MACROD2: variants seen among roughly 807,000 people sequenced by gnomAD.
MACROD2 encodes mono-ADP ribosylhydrolase 2.
In MACROD2, 36 loss-of-function variants were observed where a neutral mutation model predicts 70.4. The observed-to-expected ratio is 0.51, with a 90% CI of 0.39 to 0.68. The LOEUF is 0.68. MACROD2 is among the 30% of genes least tolerant of loss of function. MACROD2 has a pLI of 0.00. For missense variants in MACROD2, 496 were observed against 538.4 expected (o/e 0.92, Z 0.78); for synonymous variants, 172 against 178.8 (o/e 0.96, Z 0.30).
chr20:14,604,319 A>G (rs1982668532), intron 4 of MACROD2, among the ~76,000 whole-genome samples: 1 of 152,206 alleles, frequency 6.6e-6, no homozygotes. Flanking sequence ...ACTGTCACAC[A>G]GTGTTGCTAT....
intron 5 of MACROD2, among the ~76,000 whole-genome samples, chr20:15,100,079 G>A (rs374614571): frequency 1.5e-3 from 223 of 152,098 alleles, no homozygotes; most frequent in South Asian, 7.1e-3. Flanking sequence ...ATGACATTTG[G>A]ATATTTATTT....
At chr20:15,706,697 G>A (rs1600786567) in intron 8 of MACROD2, among the ~76,000 whole-genome samples, 1 of 152,162 alleles carries the variant, frequency 6.6e-6, no homozygotes, top group East Asian at 1.9e-4. Context: ...ACATAAAATA[G>A]CACACTAATA....
chr20:15,982,061 G>A (rs910585818), intron 13 of MACROD2, among the ~76,000 whole-genome samples: 5 of 151,814 alleles, frequency 3.3e-5, no homozygotes, highest in East Asian at 3.9e-4. Context: ...CAGCACAAGC[G>A]TCAAATTTTA....
At chr20:14,664,255 T>G (rs2070711964) in intron 4 of MACROD2, among the ~76,000 whole-genome samples, 1 of 152,080 alleles carries the variant, frequency 6.6e-6, no homozygotes, top group Non-Finnish European at 1.5e-5. Flanking sequence ...ACTGGAGTCC[T>G]TCCTAGTTCC....
intron 3 of MACROD2, among the ~76,000 whole-genome samples, chr20:14,166,905 G>C (rs1424583567): frequency 6.6e-6 from 1 of 152,114 alleles, no homozygotes; most frequent in Non-Finnish European, 1.5e-5. Context: ...TCAGCATATT[G>C]CTTTCCTCTA....
chr20:14,356,498 C>CTTTTTTTTTTTTTTTTTTTTT (rs71190132), intron 3 of MACROD2, among the ~76,000 whole-genome samples: 1 of 76,786 alleles, frequency 1.3e-5, no homozygotes, highest in Non-Finnish European at 2.6e-5. Flanking sequence ...GATCTACTTT[C>CTTTTTTTTTTTTTTTTTTTTT]TTTTTTTTTT....
intron 3 of MACROD2, among the ~76,000 whole-genome samples, chr20:14,228,639 T>C (rs550004162): frequency 1.3e-5 from 2 of 152,208 alleles, no homozygotes; most frequent in Non-Finnish European, 1.5e-5. Context: ...ATGAAAATGA[T>C]GTAAAAACGT....
intron 8 of MACROD2, among the ~76,000 whole-genome samples, chr20:15,684,659 T>C (rs2050203403): frequency 6.6e-6 from 1 of 152,222 alleles, no homozygotes; most frequent in Non-Finnish European, 1.5e-5. Context: ...GGAAATTTCC[T>C]TGTGAGCTGG....
intron 8 of MACROD2, among the ~76,000 whole-genome samples, chr20:15,751,205 A>G (rs1175057534): frequency 6.6e-6 from 1 of 152,106 alleles, no homozygotes; most frequent in Admixed American, 6.6e-5. Flanking sequence ...GGATTTGATC[A>G]TTTATACCAC....
chr20:16,004,217 A>C (rs551474521), intron 15 of MACROD2, among the ~76,000 whole-genome samples: 5 of 152,140 alleles, frequency 3.3e-5, no homozygotes, highest in Non-Finnish European at 5.9e-5. Context: ...GAGATCAGCC[A>C]CTTATAAGCC....
intron 5 of MACROD2, among the ~76,000 whole-genome samples, chr20:15,214,623 A>G (rs773062080): frequency 5.1e-4 from 78 of 152,352 alleles, no homozygotes; most frequent in Non-Finnish European, 8.5e-4. Flanking sequence ...GAAAACTTTC[A>G]TATTTTCCTA....
intron 6 of MACROD2, among the ~76,000 whole-genome samples, chr20:15,330,456 A>G (rs577487868): frequency 6.6e-6 from 1 of 151,650 alleles, no homozygotes; most frequent in African/African-American, 2.4e-5. Context: ...GCCTCTCCCT[A>G]TCAGAAGGAG....
intron 6 of MACROD2, among the ~76,000 whole-genome samples, chr20:15,236,255 T>G (rs2077013062): frequency 6.6e-6 from 1 of 152,196 alleles, no homozygotes; most frequent in African/African-American, 2.4e-5. Context: ...GGTACACAGG[T>G]TATTGTTACT....
At chr20:14,676,756 C>CA (rs199960451) in intron 4 of MACROD2, among the ~76,000 whole-genome samples, 1,796 of 152,082 alleles carry the variant, frequency 0.012, 15 homozygotes, top group Non-Finnish European at 0.02. Flanking sequence ...AAAAACTCTT[C>CA]AAAAAATCAA....
intron 5 of MACROD2, among the ~76,000 whole-genome samples, chr20:15,218,368 T>C (rs1282696239): frequency 6.6e-6 from 1 of 152,244 alleles, no homozygotes; most frequent in Non-Finnish European, 1.5e-5. Flanking sequence ...TTGAACGGTC[T>C]GCCTCTCTTT....
intron 5 of MACROD2, among the ~76,000 whole-genome samples, chr20:14,787,757 C>A (rs563941193): frequency 6.6e-6 from 1 of 152,162 alleles, no homozygotes; most frequent in East Asian, 1.9e-4. Context: ...GAAGAGGGAG[C>A]AGAATTATTC....
chr20:14,770,699 A>T (rs2123769041), intron 5 of MACROD2, among the ~76,000 whole-genome samples: 1 of 152,236 alleles, frequency 6.6e-6, no homozygotes, highest in Admixed American at 6.5e-5. Context: ...GCATGTATTT[A>T]CTTGCCTAAT....
chr20:14,870,236 A>G (rs1418745296), intron 5 of MACROD2, among the ~76,000 whole-genome samples: 1 of 152,186 alleles, frequency 6.6e-6, no homozygotes, highest in Non-Finnish European at 1.5e-5. Context: ...TTTGCTAAGG[A>G]TAATGGCCTC....
intron 3 of MACROD2, among the ~76,000 whole-genome samples, chr20:14,142,114 A>ATTAG (rs950647332): frequency 6.6e-6 from 1 of 152,222 alleles, no homozygotes; most frequent in African/African-American, 2.4e-5. Flanking sequence ...TGAAAATAGT[A>ATTAG]TTAGCATTTA....
Sources: allele counts gnomAD v4.1 joint callset (sites outside exome capture counted in the v4.1 genomes callset), GRCh38; gene constraint gnomAD v4.1.1; transcripts MANE v1.5; gene names NCBI Gene and HGNC (gene_info 2026-07-23, HGNC 2026-07-21).